ANO1: variants seen among roughly 807,000 people sequenced by gnomAD.
ANO1 encodes anoctamin-1.
Under a neutral mutation model 124.0 loss-of-function variants are expected in ANO1, and 59 were observed. The observed-to-expected ratio is 0.48, with a 90% CI of 0.39 to 0.59. ANO1 has a LOEUF of 0.59. Ranked by LOEUF, ANO1 falls within the 20% of genes least tolerant of loss-of-function variation. ANO1 has a pLI of 0.00. For synonymous variants in ANO1, 529 were observed against 532.0 expected (o/e 0.99, Z 0.08); for missense variants, 1,059 against 1,328.0 (o/e 0.80, Z 3.15).
intron 16 of ANO1, 127 bp downstream of exon 16, chr11:70,157,148 C>T: frequency 2.6e-6 from 2 of 784,192 alleles, no homozygotes; most frequent in South Asian, 1.7e-5. Context: ...GGGCAGATCA[C>T]TTGAGGTCAG....
intron 1 of ANO1, among the ~76,000 whole-genome samples, chr11:70,067,284 C>T (rs954355401): frequency 1.1e-4 from 17 of 151,334 alleles, no homozygotes; most frequent in Non-Finnish European, 1.8e-4. Flanking sequence ...GCCCCTCCCT[C>T]GCTGGACAGC....
intron 1 of ANO1, among the ~76,000 whole-genome samples, chr11:70,006,663 C>CTTTTTTTTTTTTTTTTTTTTT (rs56851839): frequency 4.5e-5 from 4 of 88,996 alleles, no homozygotes; most frequent in African/African-American, 1.3e-4. Flanking sequence ...TTTCTTCTTT[C>CTTTTTTTTTTTTTTTTTTTTT]TTTTTTTTTT....
intron 1 of ANO1, among the ~76,000 whole-genome samples, chr11:70,037,176 C>A (rs1857108490): frequency 6.6e-6 from 1 of 152,124 alleles, no homozygotes; most frequent in Non-Finnish European, 1.5e-5. Context: ...CTGAGAAATC[C>A]AGCTTAGGCG....
chr11:70,011,592 T>G (rs1179199148), intron 1 of ANO1, among the ~76,000 whole-genome samples: 1 of 152,204 alleles, frequency 6.6e-6, no homozygotes, highest in Admixed American at 6.5e-5. Context: ...CTGGAAGGCC[T>G]CATGTAGGGA....
In ANO1 at chr11:70,078,724, G is replaced by T. The variant is rs374165238; in HGVS notation, c.108+10G>T. On this transcript the variant is annotated intron_variant, in intron 1 of 25. Coordinates refer to ENST00000355303, the MANE Select transcript of ANO1 (RefSeq NM_018043.7). ...GCCGTCCGAGGGCACGGTGAGTGCGGGCGGCCGCGACCCGGGCGGGAGGGC... is the reference window on the plus strand; with the variant it reads ...GCCGTCCGAGGGCACGGTGAGTGCGTGCGGCCGCGACCCGGGCGGGAGGGC... 2.1e-6 allele frequency: 3 copies of T among 1,461,798 alleles called. No individual in the cohort carries two copies. The highest frequency in any genetic ancestry group is 2.7e-6 in the Non-Finnish European group (3 of 1,093,260). The allele number at this position is 1,461,798 out of a possible 1,614,324, so 90.6% of individuals were successfully genotyped here. A position where few individuals can be genotyped will look rare whatever the true frequency, so the allele number is the denominator to read the frequency against.
intron 2 of ANO1, among the ~76,000 whole-genome samples, 195 bp downstream of exon 2, chr11:70,088,279 A>AG (rs1317215534): frequency 7.2e-5 from 11 of 151,926 alleles, no homozygotes; most frequent in African/African-American, 1.2e-4. Context: ...CGGGAGGCTG[A>AG]GGGGGGTGGT....
chr11:70,150,781 T>G (rs1484594237), intron 12 of ANO1, among the ~76,000 whole-genome samples: 1 of 152,196 alleles, frequency 6.6e-6, no homozygotes, highest in Non-Finnish European at 1.5e-5. Context: ...AAAAAAGAAC[T>G]TTTTCATGCA....
chr11:70,009,284 A>T (rs1403510453), intron 1 of ANO1, among the ~76,000 whole-genome samples: 1 of 152,118 alleles, frequency 6.6e-6, no homozygotes, highest in Non-Finnish European at 1.5e-5. Context: ...TGGTTGTGTG[A>T]GGTCAAGCAT....
At chr11:70,179,224 T>C (rs1257240444) in intron 22 of ANO1, among the ~76,000 whole-genome samples, 1 of 152,210 alleles carries the variant, frequency 6.6e-6, no homozygotes, top group Non-Finnish European at 1.5e-5. Flanking sequence ...GGCCCCAGGA[T>C]TGGGCTCCCA....
chr11:70,016,143 T>G (rs1318679932), intron 1 of ANO1, among the ~76,000 whole-genome samples: 2 of 152,152 alleles, frequency 1.3e-5, no homozygotes, highest in East Asian at 3.9e-4. Flanking sequence ...TTCTCCTGCT[T>G]CGGCCTCCTA....
intron 1 of ANO1, among the ~76,000 whole-genome samples, chr11:70,006,488 A>C (rs560774364): frequency 3.6e-4 from 55 of 151,696 alleles, no homozygotes; most frequent in Non-Finnish European, 6.6e-4. Flanking sequence ...AACCCCACAC[A>C]CAGACCCTGG....
chr11:70,085,499 C>T lies in ANO1; in HGVS notation c.109-2253C>T, dbSNP rs1051903927. ...TAGAGAGAAGTCAGTTGCTTAGTTT[C>T]AGCCTCCTGCCGGCACCAGATGCTG... On this transcript the variant is annotated intron_variant, in intron 1 of 25. Coordinates refer to ENST00000355303, the MANE Select transcript of ANO1 (RefSeq NM_018043.7). 1.8e-5 allele frequency: 27 copies of T among 1,535,972 alleles called. No individual in the cohort carries two copies. In the African/African-American group the frequency reaches 3.3e-4, roughly 19 times the overall value.
chr11:70,122,380 CTCTG>C (rs1341967736), intron 8 of ANO1, among the ~76,000 whole-genome samples: 1 of 138,090 alleles, frequency 7.2e-6, no homozygotes, highest in Non-Finnish European at 1.6e-5. Context: ...CCCCACCTCT[CTCTG>C]TCTGTCTCTC....
intron 1 of ANO1, among the ~76,000 whole-genome samples, chr11:70,054,134 G>GTCC: frequency 1.3e-5 from 2 of 152,174 alleles, no homozygotes; most frequent in South Asian, 4.1e-4. Flanking sequence ...CCCTGCTCTG[G>GTCC]TCCTCCTCCT....
intron 1 of ANO1, among the ~76,000 whole-genome samples, chr11:70,047,494 G>T (rs528555888): frequency 6.6e-6 from 1 of 152,170 alleles, no homozygotes; most frequent in East Asian, 1.9e-4. Context: ...AGAAAAATTG[G>T]CTAAAGAACT....
chr11:70,085,780 G>A, intron 1 of ANO1: 1 of 1,304,370 alleles, frequency 7.7e-7, no homozygotes, highest in South Asian at 1.6e-5. Flanking sequence ...CTCCCCCACT[G>A]CAGTGCTGAC....
chr11:70,000,566 T>C (rs1217752258), intron 1 of ANO1, among the ~76,000 whole-genome samples: 8 of 151,740 alleles, frequency 5.3e-5, no homozygotes, highest in African/African-American at 1.9e-4. Flanking sequence ...CTACTGCTCA[T>C]GGGTGTGGAG....
At chr11:70,085,491 C>G (rs762943070) in intron 1 of ANO1, 1 of 1,536,068 alleles carries the variant, frequency 6.5e-7, no homozygotes, top group South Asian at 1.2e-5. Flanking sequence ...AAGTCAGTTG[C>G]TTAGTTTCAG....
intron 1 of ANO1, among the ~76,000 whole-genome samples, chr11:70,062,453 G>A (rs1857609413): frequency 6.6e-6 from 1 of 152,194 alleles, no homozygotes; most frequent in Admixed American, 6.5e-5. Flanking sequence ...ACCATTTGCT[G>A]TGTGAGGATC....
Sources: allele counts gnomAD v4.1 joint callset (sites outside exome capture counted in the v4.1 genomes callset), GRCh38; gene constraint gnomAD v4.1.1; transcripts MANE v1.5; gene names NCBI Gene and HGNC (gene_info 2026-07-23, HGNC 2026-07-21).